Variants in ABR observed in about 807,000 individuals in gnomAD.
ABR encodes ABR activator of RhoGEF and GTPase, also known as active breakpoint cluster region-related protein.
Under a neutral mutation model 107.2 loss-of-function variants are expected in ABR, and 35 were observed. That is an observed-to-expected ratio of 0.33 (90% CI 0.25 to 0.43). The LOEUF (loss-of-function observed/expected upper bound fraction) is 0.43. ABR is among the 20% of genes least tolerant of loss of function. The pLI, the probability that ABR is intolerant of heterozygous loss-of-function variation, is 1.00. For synonymous variants in ABR, 498 were observed against 462.0 expected, an observed-to-expected ratio of 1.08 and a Z score of -1.00; for missense variants, 815 against 1,115.2, an observed-to-expected ratio of 0.73 and a Z score of 3.83.
chr17:1,083,568 T>C lies in ABR; in HGVS notation c.591A>G (p.Thr197=). 1 of 1,613,498 alleles carries C rather than the reference T, an allele frequency of 6.2e-7. No individual in the cohort carries two copies. The highest frequency in any genetic ancestry group is 8.5e-7 in the Non-Finnish European group (1 of 1,179,672). Residue 197 remains threonine (T), a synonymous_variant, in exon 5 of 23, where the codon ACA becomes ACG. Coordinates refer to ENST00000302538, the MANE Select transcript of ABR (RefSeq NM_021962.5). ...TGTTGGACTGGCTGCACTTCTCAGC[T>C]GTCTCCAGAGCGACTTTATAGTTAT... is the stretch of plus-strand genomic sequence containing the variant. ...FVDNYKVALE[T]AEKCSQSNNQ...
In ABR at chr17:1,050,549, G is replaced by C; in HGVS notation, c.1647C>G (p.Pro549=). 1 of 1,613,902 alleles carries C rather than the reference G, an allele frequency of 6.2e-7. No homozygotes were observed. The highest frequency in any genetic ancestry group is 8.5e-7 in the Non-Finnish European group (1 of 1,179,924). ...CCCTGCCACTCACCTCATCCCACTT[G>C]GGCTCCGCTGTGTCCCGGAACACCC... ...KTRVFRDTAE[P]KWDEEFEIEL... The change falls in exon 15 of 23, where the codon CCC becomes CCG. Residue 549 remains proline (P), a synonymous_variant. Coordinates refer to ENST00000302538, the MANE Select transcript of ABR (RefSeq NM_021962.5). This position sits in a 1 kb window ranked among gnomAD's most constrained non-coding sequence, Gnocchi z 4.6.
intron 21 of ABR, 120 bp downstream of exon 21, chr17:1,009,559 G>A: frequency 6.3e-6 from 5 of 789,354 alleles, no homozygotes; most frequent in Non-Finnish European, 1.1e-5. Context: ...AGGTGGGGTT[G>A]GGGCCACTCC....
Position 1,036,616 on chromosome 17 carries a change from C to T in ABR, c.1791+13434G>A, listed in dbSNP as rs183445350. Among the ~76,000 whole-genome samples, 391 of 152,082 alleles carry T rather than the reference C, an allele frequency of 2.6e-3. 2 individuals are homozygous for T. Among genetic ancestry groups the T allele is most frequent in the African/African-American group, 8.4e-3 (348 of 41,446 alleles). On this transcript the variant is annotated intron_variant, in intron 16 of 22. Transcript: ENST00000302538. ...CAGGATGAGAGAGAGACAAGCAGGCCGAGCATGGGAGCCCGGGGTGCCCAG... is the reference window on the plus strand; with the variant it reads ...CAGGATGAGAGAGAGACAAGCAGGCTGAGCATGGGAGCCCGGGGTGCCCAG...
At chr17:1,135,720 A>T (rs1728324846) in intron 1 of ABR, among the ~76,000 whole-genome samples, 1 of 152,156 alleles carries the variant, frequency 6.6e-6, no homozygotes, top group African/African-American at 2.4e-5. Context: ...TACTAAAAAT[A>T]CAAAAATCAG....
rs931242664 is a variant in ABR at position 1,071,728 on chromosome 17, T to C, written c.894+886A>G. ...CGCTTCCTAGGAGACCCTGACGGCATCACACTGGCCAGAGGCAGGTGTCTG... is the reference window on the plus strand; with the variant it reads ...CGCTTCCTAGGAGACCCTGACGGCACCACACTGGCCAGAGGCAGGTGTCTG... On this transcript the variant is annotated intron_variant, in intron 8 of 22. Coordinates refer to ENST00000302538, the MANE Select transcript of ABR (RefSeq NM_021962.5). This position sits in a 1 kb window ranked among gnomAD's most constrained non-coding sequence, Gnocchi z 5.1. 4.6e-5 allele frequency among the ~76,000 whole-genome samples: 7 copies of C among 152,234 alleles called. No homozygotes were observed. The highest frequency in any genetic ancestry group is 4.6e-4 in the Admixed American group (7 of 15,286).
upstream of ABR, among the ~76,000 whole-genome samples, chr17:1,192,070 A>G (rs2042448451): frequency 6.6e-6 from 1 of 152,116 alleles, no homozygotes; most frequent in African/African-American, 2.4e-5. Flanking sequence ...GAAGGGGGAA[A>G]CTTTCCTGTT....
At chr17:1,147,964 G>T (rs1362817910) in intron 1 of ABR, among the ~76,000 whole-genome samples, 2 of 152,204 alleles carry the variant, frequency 1.3e-5, no homozygotes, top group African/African-American at 4.8e-5. Context: ...ACGGCTTAGT[G>T]TTGGGTAGAA....
intron 16 of ABR, chr17:1,031,811 C>G: frequency 8.1e-7 from 1 of 1,227,548 alleles, no homozygotes; most frequent in Non-Finnish European, 1.0e-6. Context: ...CTGCCAGTCC[C>G]GCTAGTTCCC....
At chr17:1,126,470 T>C (rs2039606426) in intron 1 of ABR, 1 of 152,264 alleles carries the variant, frequency 6.6e-6, no homozygotes, top group African/African-American at 2.4e-5. Context: ...GCTTCAGCAC[T>C]CGTGCGGGCC....
At position 1,072,726 on chromosome 17, in the gene ABR, T is replaced by C. The variant is rs759628716; in HGVS notation, c.782A>G (p.His261Arg). The C allele has an allele frequency of 6.2e-7, 1 of 1,613,362 alleles. No individual in the cohort carries two copies. Among genetic ancestry groups the C allele is most frequent in the Non-Finnish European group, 8.5e-7 (1 of 1,179,794 alleles). The change falls in exon 8 of 23, where the codon CAC (histidine) becomes CGC (arginine). Residue 261 changes from histidine to arginine, a missense_variant. Physicochemically the swap from His to Arg is conservative, Grantham distance 29 (BLOSUM62 0). Transcript: ENST00000302538. ...HDLLKHTPVDHPDYPLLQDAL... is the reference protein window; with the variant it reads ...HDLLKHTPVDRPDYPLLQDAL... ...ATCCTGCAGCAGCGGGTAGTCGGGG[T>C]GGTCCACAGGTGTGTGCTTCAGCAG...
upstream of ABR, among the ~76,000 whole-genome samples, chr17:1,183,606 G>A (rs78807661): frequency 0.024 from 3,681 of 152,146 alleles, 166 homozygotes; most frequent in African/African-American, 0.083. Context: ...AAAAGGGGAC[G>A]GGCCCTAGAA....
intron 3 of ABR, among the ~76,000 whole-genome samples, chr17:1,097,158 T>A (rs1311250698): frequency 6.6e-6 from 1 of 152,156 alleles, no homozygotes. Flanking sequence ...ATCTAAGGGC[T>A]CCGTGTCTGA....
At chr17:1,218,405 T>C (rs1002323936) in intron 1 of ABR, among the ~76,000 whole-genome samples, 6 of 152,216 alleles carry the variant, frequency 3.9e-5, no homozygotes, top group Non-Finnish European at 4.4e-5. Context: ...GAAAATTATC[T>C]AGTCCAGTCA....
At chr17:1,086,309 G>T (rs1258651354) in intron 4 of ABR, among the ~76,000 whole-genome samples, 1 of 152,122 alleles carries the variant, frequency 6.6e-6, no homozygotes, top group Non-Finnish European at 1.5e-5. Flanking sequence ...ATAGTGGAGG[G>T]ACTGGTAACA....
At chr17:1,012,884 A>G (rs994292426) in intron 17 of ABR, 87 bp from the exon 18 acceptor site, 10 of 1,207,254 alleles carry the variant, frequency 8.3e-6, no homozygotes, top group Middle Eastern at 2.3e-4. Flanking sequence ...CCTCCCCAAG[A>G]CTGCAAATGA....
chr17:1,166,721 C>T (rs112992802), intron 1 of ABR, among the ~76,000 whole-genome samples: 3,788 of 152,186 alleles, frequency 0.025, 147 homozygotes, highest in African/African-American at 0.086. Context: ...GAATCCAGGC[C>T]GGGCGCAGGG....
At position 1,050,251 on chromosome 17, in the gene ABR, G is replaced by A. The variant is rs2032310590; in HGVS notation, c.1660-70C>T. 1.3e-6 allele frequency: 2 copies of A among 1,551,728 alleles called. No individual in the cohort carries two copies. Among genetic ancestry groups the A allele is most frequent in the African/African-American group, 1.4e-5 (1 of 73,372 alleles). Reference sequence around the variant, plus strand: ...AGGCCTGGCTTTCCGGCAGGTGCGTGCCTCAGCTTTGCAAGGAGGAGGGAG... The same window carrying A: ...AGGCCTGGCTTTCCGGCAGGTGCGTACCTCAGCTTTGCAAGGAGGAGGGAG... On this transcript the variant is annotated intron_variant, in intron 15 of 22. Transcript: ENST00000302538. The surrounding 1 kb of genome is among the most constrained non-coding windows in gnomAD (Gnocchi z 4.6).
intron 1 of ABR, among the ~76,000 whole-genome samples, chr17:1,170,961 G>A (rs943424045): frequency 6.6e-5 from 10 of 152,182 alleles, no homozygotes; most frequent in South Asian, 2.1e-4. Context: ...ACACTGCCAC[G>A]CTGACCCCAC....
At chr17:1,091,017 C>G (rs760810179) in intron 4 of ABR, among the ~76,000 whole-genome samples, 17 of 152,166 alleles carry the variant, frequency 1.1e-4, no homozygotes, top group Non-Finnish European at 2.5e-4. Flanking sequence ...TTTCCCAACA[C>G]GAGGTCTGCA....
Sources: gnomAD v4.1 joint callset for allele counts (sites outside exome capture counted in the v4.1 genomes callset) on GRCh38, gnomAD v4.1.1 for gene constraint, Gnocchi (gnomAD v3.1) non-coding constraint, MANE v1.5 for transcripts, NCBI Gene and HGNC (gene_info 2026-07-23, HGNC 2026-07-21) for gene names.